GFRA1: variants seen among roughly 807,000 people sequenced by gnomAD.
The protein encoded by GFRA1 is GDNF family receptor alpha 1.
A neutral mutation model predicts 51.6 loss-of-function variants in GFRA1; 16 were observed. That is an observed-to-expected ratio of 0.31 (90% CI 0.21 to 0.47). GFRA1 has a LOEUF of 0.47. GFRA1 is among the 20% of genes least tolerant of loss of function. The pLI is 1.00. For missense variants in GFRA1, 530 were observed against 594.3 expected, an observed-to-expected ratio of 0.89 and a Z score of 1.13; for synonymous variants, 270 against 241.3, an observed-to-expected ratio of 1.12 and a Z score of -1.10.
intron 5 of GFRA1, among the ~76,000 whole-genome samples, chr10:116,126,629 A>G (rs1299052046): frequency 1.3e-5 from 2 of 152,228 alleles, no homozygotes; most frequent in Non-Finnish European, 2.9e-5. Context: ...TGTAGTAGTG[A>G]TTCTCTGGAG....
chr10:116,086,691 G>A (rs1168839035), intron 9 of GFRA1, among the ~76,000 whole-genome samples: 2 of 152,226 alleles, frequency 1.3e-5, no homozygotes, highest in Non-Finnish European at 2.9e-5. Flanking sequence ...TGGAGACTGT[G>A]CATATCACAG....
At chr10:116,103,827 T>C (rs1956904850) in intron 6 of GFRA1, among the ~76,000 whole-genome samples, 1 of 152,228 alleles carries the variant, frequency 6.6e-6, no homozygotes, top group Non-Finnish European at 1.5e-5. Flanking sequence ...GTAACACACA[T>C]CTGGAAAGCA....
intron 4 of GFRA1, among the ~76,000 whole-genome samples, chr10:116,215,449 C>A (rs911192632): frequency 1.3e-5 from 2 of 152,180 alleles, no homozygotes; most frequent in African/African-American, 4.8e-5. Context: ...GTGTAATATT[C>A]TCCTTTCAAT....
chr10:116,151,048 C>T (rs1959044609), intron 5 of GFRA1, among the ~76,000 whole-genome samples: 1 of 152,018 alleles, frequency 6.6e-6, no homozygotes, highest in Non-Finnish European at 1.5e-5. Flanking sequence ...AGAACATCCC[C>T]TGGGAGTCCT....
chr10:116,117,910 T>G (rs1189068562), intron 6 of GFRA1, among the ~76,000 whole-genome samples: 1 of 152,126 alleles, frequency 6.6e-6, no homozygotes, highest in East Asian at 1.9e-4. Flanking sequence ...TGTTCCCCTT[T>G]GGCTTTTCAA....
intron 4 of GFRA1, among the ~76,000 whole-genome samples, chr10:116,266,428 A>G (rs150237680): frequency 9.1e-4 from 139 of 152,350 alleles, no homozygotes; most frequent in African/African-American, 3.2e-3. Flanking sequence ...TCCATCCTGC[A>G]AAGGCCAAAC....
chr10:116,064,256 G>GAAA lies in GFRA1; in HGVS notation c.*139_*141dup. ...GGATCACAAGAAGCTTTCTTAAAAG[G>GAAA]AAAAAAAAAAAATGTTCCAGTTGAA... is the stretch of plus-strand genomic sequence containing the variant. On this transcript the variant is annotated 3_prime_UTR_variant, in exon 11 of 11. Coordinates refer to ENST00000355422, the MANE Select transcript of GFRA1 (RefSeq NM_005264.8). The GAAA allele has an allele frequency of 1.6e-6, 1 of 609,888 alleles. No homozygotes were observed. Among genetic ancestry groups the GAAA allele is most frequent in the Non-Finnish European group, 2.7e-6 (1 of 367,548 alleles). The allele number at this position is 609,888 out of a possible 1,614,324, so 37.8% of individuals were successfully genotyped here.
chr10:116,141,055 C>T (rs1010717182), intron 5 of GFRA1, among the ~76,000 whole-genome samples: 2 of 152,148 alleles, frequency 1.3e-5, no homozygotes, highest in Non-Finnish European at 2.9e-5. Flanking sequence ...GCCATAAAAC[C>T]TCTAGTCTAT....
rs1954856789 is a variant in GFRA1, at chr10:116,062,350, A to G, written c.*2048T>C. 2.6e-6 allele frequency: 1 copy of G among 384,246 alleles called. No individual in the cohort carries two copies. Among genetic ancestry groups the G allele is most frequent in the East Asian group, 3.7e-5 (1 of 26,986 alleles). The allele number at this position is 384,246 out of a possible 1,614,324, so 23.8% of individuals were successfully genotyped here. On this transcript the variant is annotated 3_prime_UTR_variant, in exon 11 of 11. Transcript: ENST00000355422. ...ACACACTTACTTAATGTGTTTATTCAAAGTAAGAGTCTTTATAGATCTTTT... is the reference window on the plus strand; with the variant it reads ...ACACACTTACTTAATGTGTTTATTCGAAGTAAGAGTCTTTATAGATCTTTT...
At chr10:116,079,267 T>C (rs1479963429) in intron 9 of GFRA1, among the ~76,000 whole-genome samples, 4 of 151,976 alleles carry the variant, frequency 2.6e-5, no homozygotes, top group Non-Finnish European at 1.5e-5. Context: ...GAAATAAATT[T>C]CTGTTGCTTA....
At chr10:116,175,037 T>A (rs1961447108) in intron 5 of GFRA1, among the ~76,000 whole-genome samples, 1 of 152,140 alleles carries the variant, frequency 6.6e-6, no homozygotes, top group Non-Finnish European at 1.5e-5. Context: ...TTCGTAGGAC[T>A]CAAAATGAAA....
chr10:116,172,276 A>C (rs934040790), intron 5 of GFRA1, among the ~76,000 whole-genome samples: 6 of 152,214 alleles, frequency 3.9e-5, no homozygotes, highest in East Asian at 1.9e-4. Context: ...AAGACAAGGG[A>C]GCTGACGTAT....
intron 6 of GFRA1, among the ~76,000 whole-genome samples, chr10:116,103,983 G>GGGAGCTGA (rs1380998896): frequency 1.3e-5 from 2 of 152,140 alleles, no homozygotes; most frequent in Non-Finnish European, 2.9e-5. Flanking sequence ...TGCGGAGCTG[G>GGGAGCTGA]GGAGCTGAGG....
intron 5 of GFRA1, among the ~76,000 whole-genome samples, chr10:116,127,588 C>A (rs1345781448): frequency 4.6e-5 from 7 of 152,196 alleles, no homozygotes; most frequent in Non-Finnish European, 2.9e-5. Context: ...AACAAGCACA[C>A]CTGGTACTGT....
Position 116,093,689 on chromosome 10 carries a change from T to G in GFRA1, c.1015+13A>C. 1 of 1,613,044 alleles carries G rather than the reference T, an allele frequency of 6.2e-7. No individual in the cohort carries two copies. The highest frequency in any genetic ancestry group is 8.5e-7 in the Non-Finnish European group (1 of 1,179,056). On this transcript the variant is annotated intron_variant, in intron 8 of 10. Coordinates refer to ENST00000355422, the MANE Select transcript of GFRA1 (RefSeq NM_005264.8). ...GCGTTTGCTCCTTTGTTTCTTATTT[T>G]TTACAAACTCACTAAGACATGTATT... is the stretch of plus-strand genomic sequence containing the variant.
chr10:116,073,304 C>G (rs554355903), intron 9 of GFRA1, among the ~76,000 whole-genome samples: 134 of 152,286 alleles, frequency 8.8e-4, no homozygotes, highest in African/African-American at 3.1e-3. Flanking sequence ...GCTGGGCTTA[C>G]TTCTTCTTTT....
intron 4 of GFRA1, among the ~76,000 whole-genome samples, chr10:116,258,100 C>T (rs952956316): frequency 6.6e-6 from 1 of 152,152 alleles, no homozygotes; most frequent in Non-Finnish European, 1.5e-5. Flanking sequence ...ATGGGTTCTA[C>T]TCATTCATCA....
At chr10:116,194,047 A>AT (rs1565641175) in intron 5 of GFRA1, among the ~76,000 whole-genome samples, 1 of 110,954 alleles carries the variant, frequency 9.0e-6, no homozygotes, top group African/African-American at 3.8e-5. Context: ...TCAATAAAAA[A>AT]AAATAAATAA....
intron 4 of GFRA1, among the ~76,000 whole-genome samples, chr10:116,265,624 A>C (rs1391770421): frequency 6.6e-6 from 1 of 152,210 alleles, no homozygotes; most frequent in Non-Finnish European, 1.5e-5. Flanking sequence ...GCAGGGGCAG[A>C]ATAGAGGTGC....
Sources: gnomAD v4.1 joint callset for allele counts (sites outside exome capture counted in the v4.1 genomes callset) on GRCh38, gnomAD v4.1.1 for gene constraint, MANE v1.5 for transcripts, NCBI Gene and HGNC (gene_info 2026-07-23, HGNC 2026-07-21) for gene names.